The following STK35 variants were observed in gnomAD, a reference collection of about 807,000 sequenced individuals.
The protein encoded by STK35 is serine/threonine-protein kinase 35.
STK35 carries 17 observed loss-of-function variants against 37.3 expected under a neutral mutation model. That is an observed-to-expected ratio of 0.46 (90% CI 0.31 to 0.68). STK35 has a LOEUF of 0.68. Ranked by LOEUF, STK35 falls within the 30% of genes least tolerant of loss-of-function variation. The pLI is 0.05. For synonymous variants in STK35, 385 were observed against 319.1 expected (o/e 1.21, Z -2.20); for missense variants, 595 against 746.7 (o/e 0.80, Z 2.37).
rs933564465 is a variant in STK35 at position 2,113,764 on chromosome 20, G to C, written c.893-2902G>C. Reference sequence around the variant, plus strand: ...GGTCAGTGGTTCATTTCCCCAAAAAGATCTTACATTCTGCCAAATGTAGTT... The same window carrying C: ...GGTCAGTGGTTCATTTCCCCAAAAACATCTTACATTCTGCCAAATGTAGTT... On this transcript the variant is annotated intron_variant, in intron 2 of 3. Transcript: ENST00000381482. Among the ~76,000 whole-genome samples the C allele has an allele frequency of 6.6e-5, 10 of 152,240 alleles. 1 individual carries two copies. In the South Asian group the frequency reaches 2.1e-3, roughly 32 times the overall value.
In STK35 at chr20:2,101,857, G is replaced by A. The variant is rs1164555349; in HGVS notation, c.-25G>A. On this transcript the variant is annotated 5_prime_UTR_variant, in exon 1 of 4. Transcript: ENST00000381482. ...CCTTTGCAGGACCGGGCGGTGCAGGGCTCACTCGGCTGGCGTCCCGGGGGA... is the reference window on the plus strand; with the variant it reads ...CCTTTGCAGGACCGGGCGGTGCAGGACTCACTCGGCTGGCGTCCCGGGGGA... 3.6e-6 allele frequency: 5 copies of A among 1,404,798 alleles called. No homozygotes were observed. The highest frequency in any genetic ancestry group is 4.6e-6 in the Non-Finnish European group (5 of 1,077,652). The allele number at this position is 1,404,798 out of a possible 1,614,324, so 87.0% of individuals were successfully genotyped here.
chr20:2,134,942 C>CTAAG (rs1392038080), intron 3 of STK35, among the ~76,000 whole-genome samples: 4 of 152,144 alleles, frequency 2.6e-5, no homozygotes, highest in African/African-American at 9.7e-5. Flanking sequence ...CTTCCCAGCC[C>CTAAG]TAAGGGGCTT....
chr20:2,106,733 C>CTTTTT (rs1985522589), intron 2 of STK35, among the ~76,000 whole-genome samples: 1 of 152,208 alleles, frequency 6.6e-6, no homozygotes, highest in African/African-American at 2.4e-5. Flanking sequence ...AAATGCTGTT[C>CTTTTT]TTGGTCTTAC....
intron 3 of STK35, among the ~76,000 whole-genome samples, chr20:2,121,370 G>C (rs569836861): frequency 6.6e-6 from 1 of 152,144 alleles, no homozygotes; most frequent in African/African-American, 2.4e-5. Context: ...CAGGATTTCC[G>C]GCCGGATCAT....
Position 2,102,881 on chromosome 20 carries a change from G to T in STK35, c.408G>T (p.Thr136=), listed in dbSNP as rs1449700781. ...CCCCGCCGCCCGCAGCCATGGAAAC[G>T]GGGAAGGACGGCGCCCGCAGAGGTA... ...LLPPPPAAME[T]GKDGARRGTQ... The change falls in exon 2 of 4, where the codon ACG becomes ACT. Residue 136 remains threonine (T), a synonymous_variant. Transcript: ENST00000381482. 1 of 1,566,412 alleles carries T rather than the reference G, an allele frequency of 6.4e-7. No homozygotes were observed. Among genetic ancestry groups the T allele is most frequent in the Non-Finnish European group, 8.6e-7 (1 of 1,164,348 alleles).
chr20:2,109,792 A>G (rs1434370019), intron 2 of STK35, among the ~76,000 whole-genome samples: 1 of 152,238 alleles, frequency 6.6e-6, no homozygotes, highest in Non-Finnish European at 1.5e-5. Flanking sequence ...CTCAATTTAT[A>G]AAAAACTAAA....
At chr20:2,119,495 G>A (rs919583116) in intron 3 of STK35, among the ~76,000 whole-genome samples, 2 of 152,244 alleles carry the variant, frequency 1.3e-5, no homozygotes, top group South Asian at 4.1e-4. Context: ...GAAGTTTGAT[G>A]TGTGTGTAAG....
intron 3 of STK35, among the ~76,000 whole-genome samples, chr20:2,123,468 C>A (rs1280675772): frequency 6.6e-6 from 1 of 152,172 alleles, no homozygotes; most frequent in Non-Finnish European, 1.5e-5. Flanking sequence ...CCTAGTACAA[C>A]CCTAATCAAA....
intron 3 of STK35, among the ~76,000 whole-genome samples, chr20:2,142,935 A>C (rs964104226): frequency 7.2e-5 from 11 of 152,222 alleles, no homozygotes; most frequent in African/African-American, 2.7e-4. Context: ...TAAGCCACTG[A>C]AGGGCAGGCT....
chr20:2,137,771 G>A (rs1272178733), intron 3 of STK35, among the ~76,000 whole-genome samples: 1 of 152,142 alleles, frequency 6.6e-6, no homozygotes, highest in East Asian at 1.9e-4. Context: ...TGAGTGATTG[G>A]AGGAGACATT....
At chr20:2,115,065 A>G (rs1453702609) in intron 2 of STK35, among the ~76,000 whole-genome samples, 1 of 152,352 alleles carries the variant, frequency 6.6e-6, no homozygotes, top group East Asian at 1.9e-4. Flanking sequence ...TTTGAAAAGA[A>G]CAAAAAACAT....
chr20:2,102,104 G>A lies in STK35; in HGVS notation c.223G>A (p.Gly75Arg), dbSNP rs1000639159. ...AARSRRQPGP[G>R]ADHPQAGAPG... ...TCGGTCCCGGAGGCAGCCCGGGCCC[G>A]GAGCGGACCATCCCCAGGCAGGGGC... is the stretch of plus-strand genomic sequence containing the variant. The change falls in exon 1 of 4, where the codon GGA (glycine) becomes AGA (arginine). Residue 75 changes from glycine (G) to arginine (R), a missense_variant. Physicochemically the swap from Gly to Arg is moderately radical, Grantham distance 125 (BLOSUM62 -2). Transcript: ENST00000381482. 1.4e-6 allele frequency: 2 copies of A among 1,460,154 alleles called. No homozygotes were observed. Among genetic ancestry groups the A allele is most frequent in the East Asian group, 2.7e-5 (1 of 36,438 alleles). The allele number at this position is 1,460,154 out of a possible 1,614,324, so 90.4% of individuals were successfully genotyped here.
At chr20:2,118,257 G>A (rs1056721924) in intron 3 of STK35, among the ~76,000 whole-genome samples, 8 of 152,074 alleles carry the variant, frequency 5.3e-5, no homozygotes, top group South Asian at 2.1e-4. Flanking sequence ...TCCTACTTTA[G>A]AAAACAGATT....
chr20:2,120,902 TG>T (rs1985805654), intron 3 of STK35, among the ~76,000 whole-genome samples: 1 of 149,280 alleles, frequency 6.7e-6, no homozygotes, highest in South Asian at 2.1e-4. Flanking sequence ...GCTTGGGTGG[TG>T]GGGAGGGGTG....
chr20:2,116,853 C>T lies in STK35; in HGVS notation c.1080C>T (p.Asp360=), dbSNP rs371358959. Residue 360 remains aspartate, a synonymous_variant, in exon 3 of 4, where the codon GAC becomes GAT. Coordinates refer to ENST00000381482, the MANE Select transcript of STK35 (RefSeq NM_080836.4). The stretch of plus-strand genomic sequence containing the variant: ...ACAAAAACCATATTGTGCACAGGGA[C>T]CTGAAGCCAGACAACATCCTCATCA... ...FLHKNHIVHR[D]LKPDNILITE... 2.0e-5 allele frequency: 33 copies of T among 1,614,054 alleles called. No individual in the cohort carries two copies. The highest frequency in any genetic ancestry group is 2.4e-5 in the Non-Finnish European group (28 of 1,180,038).
At chr20:2,126,514 G>A (rs1421939262) in intron 3 of STK35, among the ~76,000 whole-genome samples, 2 of 152,142 alleles carry the variant, frequency 1.3e-5, no homozygotes, top group African/African-American at 4.8e-5. Context: ...GGAGGAAAGG[G>A]TACTACTGTT....
rs562459045 is a variant in STK35, at chr20:2,101,921, G to A, written c.40G>A (p.Gly14Arg). 8.6e-5 allele frequency: 127 copies of A among 1,468,630 alleles called. No individual in the cohort carries two copies. The highest frequency in any genetic ancestry group is 1.1e-4 in the Non-Finnish European group (121 of 1,107,016). 91.0% of individuals were successfully genotyped at this position (1,468,630 alleles called of 1,614,324 possible). A position where few individuals can be genotyped will look rare whatever the true frequency, so the allele number is the denominator to read the frequency against. The change falls in exon 1 of 4, where the codon GGA (glycine) becomes AGA (arginine). Residue 14 changes from glycine (G) to arginine (R), a missense_variant. Transcript: ENST00000381482. ...GTCTCCGCTGGCCCGGGCGCCGGCG[G>A]GAGGTGCAGCTTATGTAAAGAGGTT... ...QESPLARAPA[G>R]GAAYVKRLCK...
chr20:2,125,860 A>G (rs934410205), intron 3 of STK35, among the ~76,000 whole-genome samples: 1 of 152,122 alleles, frequency 6.6e-6, no homozygotes, highest in Non-Finnish European at 1.5e-5. Flanking sequence ...AGGAGATCTA[A>G]AGCACACCTC....
At chr20:2,138,016 A>G (rs1257708294) in intron 3 of STK35, among the ~76,000 whole-genome samples, 2 of 152,218 alleles carry the variant, frequency 1.3e-5, no homozygotes, top group African/African-American at 4.8e-5. Context: ...CTCATCTGTA[A>G]AATGAGGATA....
Sources: allele counts gnomAD v4.1 joint callset (sites outside exome capture counted in the v4.1 genomes callset), GRCh38; gene constraint gnomAD v4.1.1; transcripts MANE v1.5; gene names NCBI Gene and HGNC (gene_info 2026-07-23, HGNC 2026-07-21).